The following RPH3A variants were observed in gnomAD, a reference collection of about 807,000 sequenced individuals.
RPH3A encodes the protein rabphilin 3A, also known as rabphilin-3A.
RPH3A carries 48 observed loss-of-function variants against 102.2 expected under a neutral mutation model. The ratio of observed to expected loss-of-function variants is 0.47; its 90% CI spans 0.37 to 0.60. The LOEUF is 0.60. RPH3A is among the 20% of genes least tolerant of loss of function. The pLI is 0.00. For synonymous variants in RPH3A, 310 were observed against 324.3 expected, an observed-to-expected ratio of 0.96 and a Z score of 0.47; for missense variants, 781 against 910.1, an observed-to-expected ratio of 0.86 and a Z score of 1.83.
intron 1 of RPH3A, among the ~76,000 whole-genome samples, chr12:112,660,461 C>A (rs547717203): frequency 3.3e-5 from 5 of 152,296 alleles, no homozygotes; most frequent in African/African-American, 1.2e-4. Context: ...GACCTCTCCC[C>A]ATCTCCTGTC....
At chr12:112,865,577 C>A in intron 6 of RPH3A, 34 bp downstream of exon 6, 2 of 1,603,950 alleles carry the variant, frequency 1.2e-6, no homozygotes, top group South Asian at 1.1e-5. Context: ...CTTCCCTGTG[C>A]AGCACCTGCA....
chr12:112,736,584 A>G (rs1328037065), intron 1 of RPH3A, among the ~76,000 whole-genome samples: 1 of 152,360 alleles, frequency 6.6e-6, no homozygotes, highest in East Asian at 1.9e-4. Flanking sequence ...AGCCAAGGGC[A>G]ATTAACGACC....
chr12:112,648,578 A>C (rs2039950287), intron 1 of RPH3A, among the ~76,000 whole-genome samples: 1 of 113,184 alleles, frequency 8.8e-6, no homozygotes, highest in Non-Finnish European at 1.8e-5. Flanking sequence ...TACAAAAAAA[A>C]AAAAAAAAAA....
intron 8 of RPH3A, chr12:112,868,808 C>T (rs771226220): frequency 5.6e-5 from 27 of 478,976 alleles, no homozygotes; most frequent in Non-Finnish European, 8.0e-5. Context: ...AATGCCAAGC[C>T]GCCCAGAGGC....
chr12:112,866,652 C>T (rs903300704), intron 6 of RPH3A, 105 bp from the exon 7 acceptor site: 7 of 861,036 alleles, frequency 8.1e-6, no homozygotes, highest in African/African-American at 1.7e-5. Flanking sequence ...GAAATGGAAG[C>T]AAGTTCTTCC....
chr12:112,773,608 G>A (rs977796229), intron 1 of RPH3A, among the ~76,000 whole-genome samples: 1 of 150,130 alleles, frequency 6.7e-6, no homozygotes, highest in African/African-American at 2.4e-5. Context: ...GGGTAGGGGT[G>A]TATTTTTTTT....
chr12:112,830,794 GTT>G (rs370504452), intron 3 of RPH3A, among the ~76,000 whole-genome samples: 1 of 148,042 alleles, frequency 6.8e-6, no homozygotes, highest in Admixed American at 6.7e-5. Context: ...GCTTTCTTTA[GTT>G]TTTTTTTTAT....
intron 1 of RPH3A, among the ~76,000 whole-genome samples, chr12:112,589,718 C>T (rs1386531519): frequency 6.6e-6 from 1 of 152,216 alleles, no homozygotes; most frequent in Non-Finnish European, 1.5e-5. Context: ...GCACCATTTG[C>T]TCCATGAGGG....
chr12:112,791,000 T>C (rs540496479), upstream of RPH3A: 2 of 152,352 alleles, frequency 1.3e-5, no homozygotes, highest in Middle Eastern at 6.8e-3. Flanking sequence ...AAGGTCATTA[T>C]GTTATCATTT....
chr12:112,774,633 G>A (rs975004249), intron 1 of RPH3A, among the ~76,000 whole-genome samples: 1 of 152,198 alleles, frequency 6.6e-6, no homozygotes, highest in Non-Finnish European at 1.5e-5. Flanking sequence ...CTTTGCACAT[G>A]GATGAAGCTG....
chr12:112,797,674 T>C (rs1284478143), intron 2 of RPH3A, among the ~76,000 whole-genome samples: 2 of 151,870 alleles, frequency 1.3e-5, no homozygotes, highest in African/African-American at 4.8e-5. Context: ...GGCGGTGGCT[T>C]TGAGAGTGAA....
At chr12:112,865,288 CA>C (rs1177140872) in intron 5 of RPH3A, 125 bp from the exon 6 acceptor site, 19 of 1,153,692 alleles carry the variant, frequency 1.6e-5, no homozygotes, top group African/African-American at 3.1e-5. Flanking sequence ...GAAGAGTTCA[CA>C]ACTGTCATCA....
chr12:112,741,539 C>A (rs534400063), intron 1 of RPH3A, among the ~76,000 whole-genome samples: 1 of 152,182 alleles, frequency 6.6e-6, no homozygotes, highest in South Asian at 2.1e-4. Flanking sequence ...AGCTTTCGAC[C>A]CCCATGTCAC....
chr12:112,693,738 C>G (rs540078312), intron 1 of RPH3A, among the ~76,000 whole-genome samples: 1 of 152,268 alleles, frequency 6.6e-6, no homozygotes, highest in Non-Finnish European at 1.5e-5. Flanking sequence ...TCTAGTGATG[C>G]CCCCTGCTCC....
intron 3 of RPH3A, among the ~76,000 whole-genome samples, chr12:112,832,937 C>CTT (rs71086121): frequency 0.31 from 41,272 of 131,492 alleles, 7,074 homozygotes; most frequent in East Asian, 0.47. Flanking sequence ...TTATTTCACT[C>CTT]TTTTTTTTTT....
At chr12:112,855,312 T>A (rs2042393227) in intron 5 of RPH3A, among the ~76,000 whole-genome samples, 1 of 152,118 alleles carries the variant, frequency 6.6e-6, no homozygotes, top group Non-Finnish European at 1.5e-5. Flanking sequence ...GCATATAGAG[T>A]ACTTAGCATA....
intron 5 of RPH3A, among the ~76,000 whole-genome samples, chr12:112,851,809 A>G (rs2042328117): frequency 6.6e-6 from 1 of 152,184 alleles, no homozygotes; most frequent in Non-Finnish European, 1.5e-5. Flanking sequence ...CACATTTCTT[A>G]TATAAGTGCC....
intron 1 of RPH3A, among the ~76,000 whole-genome samples, chr12:112,634,066 C>T (rs1041646437): frequency 2.5e-4 from 38 of 152,086 alleles, no homozygotes; most frequent in Non-Finnish European, 5.0e-4. Context: ...ATAAATGGGT[C>T]GGCTGGGCGC....
intron 4 of RPH3A, among the ~76,000 whole-genome samples, chr12:112,841,707 GT>G (rs761403652): frequency 5.1e-4 from 74 of 145,038 alleles, no homozygotes; most frequent in Middle Eastern, 3.6e-3. Context: ...TGTTTTTTTG[GT>G]TTTTTTTTTT....
Sources: gnomAD v4.1 joint callset for allele counts (sites outside exome capture counted in the v4.1 genomes callset) on GRCh38, gnomAD v4.1.1 for gene constraint, MANE v1.5 for transcripts, NCBI Gene and HGNC (gene_info 2026-07-23, HGNC 2026-07-21) for gene names.